Variants in DGKI observed in about 807,000 individuals in gnomAD.
The protein encoded by DGKI is diacylglycerol kinase iota, also known as DAG kinase iota.
Under a neutral mutation model 147.5 loss-of-function variants are expected in DGKI, and 55 were observed. The observed-to-expected ratio is 0.37, with a 90% CI of 0.30 to 0.47. DGKI has a LOEUF of 0.47. Among genes scored for constraint, DGKI ranks in the 20% least tolerant of loss-of-function variants. DGKI has a pLI of 1.00. For synonymous variants in DGKI, 469 were observed against 477.1 expected, an observed-to-expected ratio of 0.98 and a Z score of 0.22; for missense variants, 1,007 against 1,323.8, an observed-to-expected ratio of 0.76 and a Z score of 3.71.
chr7:137,587,656 C>T (rs927597038), intron 12 of DGKI, among the ~76,000 whole-genome samples: 6 of 152,144 alleles, frequency 3.9e-5, no homozygotes, highest in Admixed American at 1.3e-4. Flanking sequence ...GATAATAATA[C>T]GTACCTCACA....
At chr7:137,579,936 C>T (rs1246204934) in intron 15 of DGKI, among the ~76,000 whole-genome samples, 2 of 152,008 alleles carry the variant, frequency 1.3e-5, no homozygotes, top group Non-Finnish European at 2.9e-5. Context: ...AATCACTTTC[C>T]CCAAAAGAAT....
intron 19 of DGKI, among the ~76,000 whole-genome samples, chr7:137,559,668 G>T (rs925060318): frequency 6.6e-6 from 1 of 150,952 alleles, no homozygotes; most frequent in Non-Finnish European, 1.5e-5. Flanking sequence ...TTTGTTTAAT[G>T]AAAGTAGATT....
chr7:137,721,996 G>A, intron 1 of DGKI: 2 of 1,564,852 alleles, frequency 1.3e-6, no homozygotes, highest in Non-Finnish European at 1.7e-6. Context: ...GATGGCGGGT[G>A]AAAAAGTTGA....
At position 137,619,859 on chromosome 7, in the gene DGKI, G is replaced by A; in HGVS notation, c.958C>T (p.Pro320Ser). Residue 320 changes from proline (P) to serine (S), a missense_variant, in exon 8 of 33, where the codon CCG becomes TCG. By Grantham distance (74) the Pro-to-Ser change is moderately conservative (BLOSUM62 -1). Transcript: ENST00000614521. ...SLGAHAAVIV[P>S]PTWIIKVKKP... ...TTCACCTTAATGATCCAAGTGGGCGGGACAATAACAGCAGCATGAGCCCCC... is the reference window on the plus strand; with the variant it reads ...TTCACCTTAATGATCCAAGTGGGCGAGACAATAACAGCAGCATGAGCCCCC... 6.2e-7 allele frequency: 1 copy of A among 1,613,850 alleles called. No homozygotes were observed. The highest frequency in any genetic ancestry group is 8.5e-7 in the Non-Finnish European group (1 of 1,179,936).
At position 137,846,324 on chromosome 7, in the gene DGKI, G is replaced by A; in HGVS notation, c.401+138C>T. On this transcript the variant is annotated intron_variant, in intron 1 of 32. Coordinates refer to ENST00000614521, the MANE Select transcript of DGKI (RefSeq NM_001321708.2). The surrounding 1 kb of genome is among the most constrained non-coding windows in gnomAD (Gnocchi z 4.0). ...GATGGGGAGAAGACAGACATCCCCG[G>A]GAGGAGAGGGGGAAAGGGGGAAGGA... 1.9e-6 allele frequency: 1 copy of A among 523,968 alleles called. No homozygotes were observed. Among genetic ancestry groups the A allele is most frequent in the Non-Finnish European group, 3.3e-6 (1 of 301,582 alleles). 32.5% of individuals were successfully genotyped at this position (523,968 alleles called of 1,614,324 possible). A position where few individuals can be genotyped will look rare whatever the true frequency, so the allele number is the denominator to read the frequency against.
At chr7:137,638,495 T>TATAC (rs1821439499) in intron 6 of DGKI, among the ~76,000 whole-genome samples, 1 of 106,274 alleles carries the variant, frequency 9.4e-6, no homozygotes, top group African/African-American at 4.1e-5. Context: ...TATACACACA[T>TATAC]ATATATGTAT....
In DGKI at chr7:137,659,288, T is replaced by C. The variant is rs770345568; in HGVS notation, c.607-2748A>G. Among the ~76,000 whole-genome samples the C allele has an allele frequency of 3.9e-5, 6 of 152,180 alleles. 1 individual carries two copies. Among genetic ancestry groups the C allele is most frequent in the Non-Finnish European group, 5.9e-5 (4 of 68,030 alleles). ...AAAGGTCCCAGGTCTTTTGCCATAGTAGAAAAGTAAATAGATTTTTAGTTC... is the reference window on the plus strand; with the variant it reads ...AAAGGTCCCAGGTCTTTTGCCATAGCAGAAAAGTAAATAGATTTTTAGTTC... On this transcript the variant is annotated intron_variant, in intron 3 of 32. Coordinates refer to ENST00000614521, the MANE Select transcript of DGKI (RefSeq NM_001321708.2).
At chr7:137,749,309 TC>T (rs1306084805) in intron 1 of DGKI, among the ~76,000 whole-genome samples, 1 of 152,128 alleles carries the variant, frequency 6.6e-6, no homozygotes, top group East Asian at 1.9e-4. Flanking sequence ...CCCCCAGACC[TC>T]CCTCCCGGCT....
intron 28 of DGKI, 126 bp downstream of exon 28, chr7:137,443,951 A>G: frequency 1.3e-6 from 1 of 783,810 alleles, no homozygotes; most frequent in Non-Finnish European, 2.0e-6. Flanking sequence ...TTTCACATTC[A>G]AAAACCACAA....
intron 30 of DGKI, among the ~76,000 whole-genome samples, chr7:137,400,454 C>A (rs1181800941): frequency 6.6e-6 from 1 of 152,218 alleles, no homozygotes. Context: ...CACAGTTATC[C>A]AGGGTCTAAG....
At chr7:137,704,757 T>C (rs1261948458) in intron 1 of DGKI, among the ~76,000 whole-genome samples, 1 of 152,154 alleles carries the variant, frequency 6.6e-6, no homozygotes, top group East Asian at 1.9e-4. Flanking sequence ...AGAGAGTATC[T>C]TGAAAGCAGC....
intron 17 of DGKI, among the ~76,000 whole-genome samples, chr7:137,573,534 A>G (rs2128977035): frequency 6.6e-6 from 1 of 152,240 alleles, no homozygotes; most frequent in African/African-American, 2.4e-5. Context: ...CCTCCCAAGT[A>G]GCTGGGATTA....
chr7:137,783,104 G>A (rs560689159), intron 1 of DGKI, among the ~76,000 whole-genome samples: 22 of 152,272 alleles, frequency 1.4e-4, no homozygotes, highest in South Asian at 4.1e-4. Context: ...ACCAGCTCAT[G>A]AGCAATGGAT....
At position 137,441,416 on chromosome 7, in the gene DGKI, G is replaced by A. The variant is rs530406470; in HGVS notation, c.2761+2661C>T. 9.2e-3 allele frequency among the ~76,000 whole-genome samples: 827 copies of A among 89,656 alleles called. 7 individuals carry two copies. The highest frequency in any genetic ancestry group is 0.037 in the African/African-American group (797 of 21,272). 58.8% of individuals were successfully genotyped at this position (89,656 alleles called of 152,430 possible). ...AGCCTGGGCGACAGAGTGAGACTCC[G>A]TCTCAAAAAAAAAAAAAAAAAAAAA... On this transcript the variant is annotated intron_variant, in intron 28 of 32. Coordinates refer to ENST00000614521, the MANE Select transcript of DGKI (RefSeq NM_001321708.2).
At chr7:137,400,512 C>G (rs976138930) in intron 30 of DGKI, among the ~76,000 whole-genome samples, 3 of 152,170 alleles carry the variant, frequency 2.0e-5, no homozygotes, top group African/African-American at 7.2e-5. Flanking sequence ...TGAGCTAGCA[C>G]AGCAATAATT....
intron 1 of DGKI, among the ~76,000 whole-genome samples, chr7:137,793,083 CTT>C (rs1796907327): frequency 6.6e-6 from 1 of 152,140 alleles, no homozygotes; most frequent in Middle Eastern, 3.2e-3. Flanking sequence ...TCTCTTTCCT[CTT>C]TTCTTTTTTC....
chr7:137,717,803 C>A (rs749962557), intron 1 of DGKI, among the ~76,000 whole-genome samples: 4 of 152,146 alleles, frequency 2.6e-5, no homozygotes, highest in Non-Finnish European at 4.4e-5. Flanking sequence ...AGGCTTCTTA[C>A]GTAAAAAGCC....
At chr7:137,687,957 A>G (rs1168348043) in intron 2 of DGKI, among the ~76,000 whole-genome samples, 1 of 152,200 alleles carries the variant, frequency 6.6e-6, no homozygotes, top group Non-Finnish European at 1.5e-5. Context: ...TTTTTCCCTC[A>G]TTCTGTACTG....
intron 10 of DGKI, among the ~76,000 whole-genome samples, chr7:137,606,898 C>T (rs760559039): frequency 7.2e-5 from 11 of 152,068 alleles, no homozygotes; most frequent in Non-Finnish European, 8.8e-5. Context: ...AACTATGTGC[C>T]GTGTTCTAGA....
Sources: gnomAD v4.1 joint callset for allele counts (sites outside exome capture counted in the v4.1 genomes callset) on GRCh38, gnomAD v4.1.1 for gene constraint, Gnocchi (gnomAD v3.1) non-coding constraint, MANE v1.5 for transcripts, NCBI Gene and HGNC (gene_info 2026-07-23, HGNC 2026-07-21) for gene names.